Variants in PTGER4 observed in about 807,000 individuals in gnomAD.
PTGER4 encodes prostaglandin E2 receptor EP4 subtype.
PTGER4 carries 11 observed loss-of-function variants against 33.2 expected under a neutral mutation model. The observed-to-expected ratio is 0.33, with a 90% CI of 0.21 to 0.55. The LOEUF (loss-of-function observed/expected upper bound fraction) is 0.55. Ranked by LOEUF, PTGER4 falls within the 20% of genes least tolerant of loss-of-function variation. The pLI, the probability that PTGER4 is intolerant of heterozygous loss-of-function variation, is 0.92. For synonymous variants in PTGER4, 275 were observed against 281.5 expected, an observed-to-expected ratio of 0.98 and a Z score of 0.23; for missense variants, 481 against 650.2, an observed-to-expected ratio of 0.74 and a Z score of 2.83.
chr5:40,713,582 ATACTC>A, the PTGER4 span, among the ~76,000 whole-genome samples: 11 of 152,270 alleles, frequency 7.2e-5, no homozygotes, highest in South Asian at 2.3e-3. Context: ...TTTAAGATAA[ATACTC>A]TATAACCAAA....
At chr5:40,732,644 G>C in the PTGER4 span, among the ~76,000 whole-genome samples, 1 of 151,886 alleles carries the variant, frequency 6.6e-6, no homozygotes, top group Non-Finnish European at 1.5e-5. Flanking sequence ...CTGTCACCCA[G>C]GCTGGAGTAC....
chr5:40,736,383 T>C, the PTGER4 span, among the ~76,000 whole-genome samples: 3 of 152,284 alleles, frequency 2.0e-5, no homozygotes, highest in South Asian at 2.1e-4. Flanking sequence ...AAGAACAAAA[T>C]GCATGGTAAA....
chr5:40,743,250 AAGAC>A, the PTGER4 span, among the ~76,000 whole-genome samples: 3 of 152,186 alleles, frequency 2.0e-5, no homozygotes, highest in African/African-American at 7.2e-5. Flanking sequence ...AAAGGACAGG[AAGAC>A]AGGCAGCAGA....
At chr5:40,728,540 A>C in the PTGER4 span, 1 of 1,439,580 alleles carries the variant, frequency 6.9e-7, no homozygotes, top group Non-Finnish European at 9.3e-7. Flanking sequence ...CTACATAAAA[A>C]ACCCTTTTCA....
chr5:40,705,837 C>T, the PTGER4 span, among the ~76,000 whole-genome samples: 1 of 151,976 alleles, frequency 6.6e-6, no homozygotes, highest in South Asian at 2.1e-4. Context: ...TGCTAGCTGG[C>T]AAGGTTGTGT....
At chr5:40,722,242 A>G in the PTGER4 span, among the ~76,000 whole-genome samples, 2 of 151,556 alleles carry the variant, frequency 1.3e-5, no homozygotes, top group African/African-American at 4.8e-5. Flanking sequence ...CCCAGGCGTG[A>G]TCTCGGCTCG....
At chr5:40,726,409 T>G in the PTGER4 span, among the ~76,000 whole-genome samples, 1 of 151,918 alleles carries the variant, frequency 6.6e-6, no homozygotes, top group Middle Eastern at 3.4e-3. Flanking sequence ...AAATTCTAGC[T>G]TGCTTTCAAT....
At chr5:40,734,434 T>C in the PTGER4 span, among the ~76,000 whole-genome samples, 2 of 152,198 alleles carry the variant, frequency 1.3e-5, no homozygotes, top group African/African-American at 4.8e-5. Context: ...TCCGCCAGTT[T>C]AAGGACAATC....
At chr5:40,728,495 C>T in the PTGER4 span, 1 of 1,572,418 alleles carries the variant, frequency 6.4e-7, no homozygotes, top group Non-Finnish European at 8.6e-7. Flanking sequence ...AAAAAAAGAC[C>T]AAAAAATCTG....
the PTGER4 span, among the ~76,000 whole-genome samples, chr5:40,723,445 T>A: frequency 6.4e-3 from 936 of 147,048 alleles, 8 homozygotes; most frequent in African/African-American, 0.022. Context: ...ACTAAAAAAA[T>A]TTAAAAAAAT....
rs1483601059 is a variant in PTGER4 at position 40,679,947 on chromosome 5, A to C, written c.-575A>C. 2 of 152,642 alleles carry C rather than the reference A, an allele frequency of 1.3e-5. No individual in the cohort carries two copies. Among genetic ancestry groups the C allele is most frequent in the Admixed American group, 1.3e-4 (2 of 15,296 alleles). The allele number at this position is 152,642 out of a possible 1,614,324, so 9.5% of individuals were successfully genotyped here. A position where few individuals can be genotyped will look rare whatever the true frequency, so the allele number is the denominator to read the frequency against. On this transcript the variant is annotated 5_prime_UTR_variant, in exon 1 of 3. Transcript: ENST00000302472. ...GTGGAAAGGCGAGAGCGGAGCTCCA[A>C]GCCCGGCAGCCCGAGAGGAAGATGA...
the PTGER4 span, chr5:40,728,260 G>GGTGA: frequency 1.1e-6 from 1 of 942,930 alleles, no homozygotes; most frequent in Non-Finnish European, 1.4e-6. Context: ...CTGTACCCTG[G>GGTGA]GTGACATCAA....
downstream of PTGER4, among the ~76,000 whole-genome samples, chr5:40,697,226 A>AAAAGAAAGAGAAAGAAAGAAAGAAAG (rs71606587): frequency 1.3e-3 from 141 of 112,628 alleles, 4 homozygotes; most frequent in Non-Finnish European, 1.8e-3. Context: ...AAGAAAGAAG[A>AAAAGAAAGAGAAAGAAAGAAAGAAAG]AAAGAAAGAA....
intron 2 of PTGER4, among the ~76,000 whole-genome samples, chr5:40,686,184 C>CT (rs1561129056): frequency 1.3e-5 from 2 of 152,174 alleles, no homozygotes; most frequent in East Asian, 3.9e-4. Context: ...CAGATAATTC[C>CT]TTTTATGTGC....
chr5:40,744,431 C>T, the PTGER4 span, among the ~76,000 whole-genome samples: 1 of 148,330 alleles, frequency 6.7e-6, no homozygotes, highest in Non-Finnish European at 1.5e-5. Flanking sequence ...GGTTCCTCAA[C>T]TTTGATTCAT....
At chr5:40,717,154 G>A in the PTGER4 span, among the ~76,000 whole-genome samples, 3 of 150,566 alleles carry the variant, frequency 2.0e-5, no homozygotes, top group African/African-American at 7.3e-5. Context: ...GCTTGAACCC[G>A]GGAGACAGAG....
the PTGER4 span, among the ~76,000 whole-genome samples, chr5:40,722,917 C>T: frequency 4.6e-5 from 7 of 152,062 alleles, no homozygotes; most frequent in South Asian, 2.1e-4. Context: ...TCTGCCCAGC[C>T]GCCACCCCAT....
the PTGER4 span, among the ~76,000 whole-genome samples, chr5:40,723,665 G>A: frequency 5.9e-5 from 9 of 152,154 alleles, 1 homozygote; most frequent in South Asian, 8.3e-4. Flanking sequence ...AGGAGTTCAA[G>A]ACCAGCCTGG....
the PTGER4 span, among the ~76,000 whole-genome samples, chr5:40,726,028 G>A: frequency 1.7e-4 from 25 of 151,326 alleles, no homozygotes; most frequent in South Asian, 6.3e-4. Flanking sequence ...CTTGTGATCC[G>A]CCCGCCTCGG....
Sources: allele counts gnomAD v4.1 joint callset (sites outside exome capture counted in the v4.1 genomes callset), GRCh38; gene constraint gnomAD v4.1.1; transcripts MANE v1.5; gene names NCBI Gene and HGNC (gene_info 2026-07-23, HGNC 2026-07-21).